The following LSAMP variants were observed in gnomAD, a reference collection of about 807,000 sequenced individuals.
The protein encoded by LSAMP is limbic system associated membrane protein.
Under a neutral mutation model 38.6 loss-of-function variants are expected in LSAMP, and 7 were observed. The ratio of observed to expected loss-of-function variants is 0.18; its 90% CI spans 0.10 to 0.34. The LOEUF is 0.34. LSAMP is among the 10% of genes least tolerant of loss of function. The pLI is 1.00. For synonymous variants in LSAMP, 154 were observed against 166.8 expected (o/e 0.92, Z 0.59); for missense variants, 313 against 420.0 (o/e 0.75, Z 2.23).
chr3:116,425,522 T>C lies in LSAMP; in HGVS notation c.155+19355A>G, dbSNP rs541417243. On this transcript the variant is annotated intron_variant, in intron 1 of 6. Coordinates refer to ENST00000490035, the MANE Select transcript of LSAMP (RefSeq NM_002338.5). ...ATAGAAAAGTCATTTTTTCTTGGAG[T>C]TTTACCTCTTCTTCTTTAAAATGCA... is the stretch of plus-strand genomic sequence containing the variant. Among the ~76,000 whole-genome samples, 709 of 152,220 alleles carry C rather than the reference T, an allele frequency of 4.7e-3. 1 individual carries two copies. The highest frequency in any genetic ancestry group is 7.9e-3 in the Non-Finnish European group (537 of 68,004).
chr3:115,842,317 A>G lies in LSAMP; in HGVS notation c.770+141T>C, dbSNP rs143842762. 3,440 of 1,201,042 alleles carry G rather than the reference A, an allele frequency of 2.9e-3. 68 individuals carry two copies. The African/African-American group carries it at 0.044, about 15-fold the overall frequency. 74.4% of individuals were successfully genotyped at this position (1,201,042 alleles called of 1,614,324 possible). On this transcript the variant is annotated intron_variant, in intron 5 of 6. Transcript: ENST00000490035. ...AGAGCTACAGGCCCCAAAGAATTTGATAAGAGATACTAAAAAGGAAGAGTG... is the reference window on the plus strand; with the variant it reads ...AGAGCTACAGGCCCCAAAGAATTTGGTAAGAGATACTAAAAAGGAAGAGTG...
chr3:115,864,877 G>A, intron 3 of LSAMP, among the ~76,000 whole-genome samples: 1 of 152,086 alleles, frequency 6.6e-6, no homozygotes, highest in East Asian at 1.9e-4. Context: ...CAGAACTTAG[G>A]ATCTCAAACA....
At chr3:116,309,394 G>T (rs2047526802) in intron 1 of LSAMP, among the ~76,000 whole-genome samples, 1 of 152,074 alleles carries the variant, frequency 6.6e-6, no homozygotes, top group African/African-American at 2.4e-5. Context: ...TAGTAACCGT[G>T]AGCTATGTAT....
At chr3:116,147,023 A>G (rs1366525706) in intron 1 of LSAMP, among the ~76,000 whole-genome samples, 1 of 151,896 alleles carries the variant, frequency 6.6e-6, no homozygotes, top group Non-Finnish European at 1.5e-5. Flanking sequence ...AGAAGGGTCA[A>G]GTTGGATCAT....
chr3:115,867,346 C>T (rs1935890057), intron 3 of LSAMP, among the ~76,000 whole-genome samples: 1 of 152,004 alleles, frequency 6.6e-6, no homozygotes, highest in Admixed American at 6.6e-5. Context: ...CTTATTGTAT[C>T]AATAGCTCAA....
At chr3:116,164,710 A>AATATATATATATCCAT (rs1709998377) in intron 1 of LSAMP, among the ~76,000 whole-genome samples, 2 of 111,260 alleles carry the variant, frequency 1.8e-5, no homozygotes, top group Admixed American at 2.0e-4. Context: ...ATATAATCCA[A>AATATATATATATCCAT]ATATATATAT....
chr3:116,367,853 A>G (rs1189216533), intron 1 of LSAMP: 1 of 152,124 alleles, frequency 6.6e-6, no homozygotes, highest in Non-Finnish European at 1.5e-5. Context: ...CGAACAAAAA[A>G]AAAACTTTAC....
chr3:116,400,107 A>G (rs561187410), intron 1 of LSAMP, among the ~76,000 whole-genome samples: 1 of 151,872 alleles, frequency 6.6e-6, no homozygotes, highest in African/African-American at 2.4e-5. Context: ...AATCTAAAAA[A>G]CCCCTAAATT....
intron 3 of LSAMP, among the ~76,000 whole-genome samples, chr3:115,862,912 C>A (rs9863294): frequency 6.6e-6 from 1 of 152,090 alleles, no homozygotes; most frequent in Non-Finnish European, 1.5e-5. Flanking sequence ...GTAGAGGTGG[C>A]GTGGGAGAGA....
intron 3 of LSAMP, among the ~76,000 whole-genome samples, chr3:116,003,285 C>T (rs1451957970): frequency 1.3e-5 from 2 of 152,138 alleles, no homozygotes; most frequent in African/African-American, 2.4e-5. Context: ...TACGTATTTC[C>T]TCTGTTTATC....
intron 1 of LSAMP, among the ~76,000 whole-genome samples, chr3:116,293,698 A>G (rs2047296172): frequency 6.6e-6 from 1 of 152,210 alleles, no homozygotes. Context: ...TATAGGCATC[A>G]GCATAAGCAC....
chr3:115,970,593 G>T (rs1250975075), intron 3 of LSAMP, among the ~76,000 whole-genome samples: 1 of 152,066 alleles, frequency 6.6e-6, no homozygotes, highest in Non-Finnish European at 1.5e-5. Context: ...TGCTAATGAG[G>T]TACTTTTAGG....
At position 116,433,801 on chromosome 3, in the gene LSAMP, C is replaced by T. The variant is rs191281104; in HGVS notation, c.155+11076G>A. On this transcript the variant is annotated intron_variant, in intron 1 of 6. Transcript: ENST00000490035. ...ACCTAGCTCTCCAGGAAGGTAGATTCCTTCTTCTCAGAGCTACCCAGGATA... is the reference window on the plus strand; with the variant it reads ...ACCTAGCTCTCCAGGAAGGTAGATTTCTTCTTCTCAGAGCTACCCAGGATA... Among the ~76,000 whole-genome samples the T allele has an allele frequency of 5.1e-3, 782 of 152,248 alleles. 5 individuals carry two copies. The highest frequency in any genetic ancestry group is 0.037 in the Middle Eastern group (11 of 294).
intron 1 of LSAMP, among the ~76,000 whole-genome samples, chr3:116,297,000 C>T (rs543460017): frequency 2.6e-5 from 4 of 152,134 alleles, no homozygotes; most frequent in Non-Finnish European, 4.4e-5. Flanking sequence ...TTCTTTTCCT[C>T]GTATCTCTTG....
At chr3:115,871,366 A>C (rs903421247) in intron 3 of LSAMP, among the ~76,000 whole-genome samples, 5 of 152,084 alleles carry the variant, frequency 3.3e-5, no homozygotes, top group Admixed American at 6.6e-5. Context: ...GGCTACAGGG[A>C]ATCAGAAGAC....
intron 6 of LSAMP, among the ~76,000 whole-genome samples, chr3:115,824,485 G>A (rs903073943): frequency 2.0e-5 from 3 of 152,036 alleles, no homozygotes; most frequent in Non-Finnish European, 2.9e-5. Context: ...TGCAGATCAC[G>A]AGGTCAGGAG....
At chr3:116,345,478 ATAAATGACTACC>A (rs1404569960) in intron 1 of LSAMP, among the ~76,000 whole-genome samples, 2 of 152,160 alleles carry the variant, frequency 1.3e-5, no homozygotes, top group South Asian at 4.1e-4. Context: ...AAAGGAACAG[ATAAATGACTACC>A]TAATGTACAT....
At chr3:116,288,408 C>T (rs1269545367) in intron 1 of LSAMP, among the ~76,000 whole-genome samples, 1 of 152,214 alleles carries the variant, frequency 6.6e-6, no homozygotes, top group Non-Finnish European at 1.5e-5. Flanking sequence ...CCAGTGCCTG[C>T]TCCCCCATCA....
chr3:115,957,749 C>A (rs1230201939), intron 3 of LSAMP, among the ~76,000 whole-genome samples: 1 of 152,172 alleles, frequency 6.6e-6, no homozygotes, highest in African/African-American at 2.4e-5. Flanking sequence ...TACAGCAAGA[C>A]CATTTTGTAC....
Sources: gnomAD v4.1 joint callset for allele counts (sites outside exome capture counted in the v4.1 genomes callset) on GRCh38, gnomAD v4.1.1 for gene constraint, MANE v1.5 for transcripts, NCBI Gene and HGNC (gene_info 2026-07-23, HGNC 2026-07-21) for gene names.